PTPRS: variants seen among roughly 807,000 people sequenced by gnomAD.
The protein encoded by PTPRS is receptor-type tyrosine-protein phosphatase S.
Under a neutral mutation model 215.3 loss-of-function variants are expected in PTPRS, and 63 were observed. The ratio of observed to expected loss-of-function variants is 0.29; its 90% CI spans 0.24 to 0.36. The LOEUF (loss-of-function observed/expected upper bound fraction) is 0.36, where lower values mean the gene tolerates loss of function less well. Among genes scored for constraint, PTPRS ranks in the 10% least tolerant of loss-of-function variants. The pLI, the probability that PTPRS is intolerant of heterozygous loss-of-function variation, is 1.00. For missense variants in PTPRS, 2,258 were observed against 2,825.8 expected (o/e 0.80, Z 4.56); for synonymous variants, 1,404 against 1,191.4 (o/e 1.18, Z -3.68).
rs12984779 is a variant in PTPRS at position 5,338,801 on chromosome 19, T to C, written c.-95+1863A>G. Among the ~76,000 whole-genome samples the C allele has an allele frequency of 0.024, 3,709 of 152,222 alleles. 59 individuals are homozygous for C. Among genetic ancestry groups the C allele is most frequent in the Middle Eastern group, 0.037 (11 of 294 alleles). On this transcript the variant is annotated intron_variant, in intron 1 of 37. Transcript: ENST00000262963. The surrounding 1 kb of genome is among the most constrained non-coding windows in gnomAD (Gnocchi z 4.2). Reference sequence around the variant, plus strand: ...AACGCTCCAGCAGCTGCCGCTGGTATCGCAGGAGCAGAGGAGCGGGATGGC... The same window carrying C: ...AACGCTCCAGCAGCTGCCGCTGGTACCGCAGGAGCAGAGGAGCGGGATGGC...
chr19:5,326,511 T>C, intron 1 of PTPRS, among the ~76,000 whole-genome samples: 1 of 152,002 alleles, frequency 6.6e-6, no homozygotes, highest in Non-Finnish European at 1.5e-5. Context: ...TAAAAGAGAA[T>C]GGGTTTAAAC....
At chr19:5,246,548 GAA>G (rs2044500513) in intron 9 of PTPRS, among the ~76,000 whole-genome samples, 2 of 152,326 alleles carry the variant, frequency 1.3e-5, no homozygotes, top group South Asian at 4.1e-4. Flanking sequence ...GGGAGCGCTG[GAA>G]GATTCTGGCT....
chr19:5,293,449 A>C lies in PTPRS; in HGVS notation c.-94-7215T>G, dbSNP rs2049012199. Among the ~76,000 whole-genome samples, 2 of 151,702 alleles carry C rather than the reference A, an allele frequency of 1.3e-5. No homozygotes were observed. The highest frequency in any genetic ancestry group is 2.4e-5 in the African/African-American group (1 of 41,298). ...TGGAGGCGCGGAGAGCCTCCGCAGG[A>C]GTCCATGAAACACTGAGCGAAGGGG... On this transcript the variant is annotated intron_variant, in intron 1 of 37. Coordinates refer to ENST00000262963, the MANE Select transcript of PTPRS (RefSeq NM_002850.4). This position sits in a 1 kb window ranked among gnomAD's most constrained non-coding sequence, Gnocchi z 8.4.
intron 1 of PTPRS, among the ~76,000 whole-genome samples, chr19:5,307,295 C>T (rs1196408123): frequency 2.6e-5 from 4 of 151,172 alleles, no homozygotes; most frequent in South Asian, 2.1e-4. Flanking sequence ...CCAATAAAAG[C>T]GAAACTCCAT....
chr19:5,335,525 C>T lies in PTPRS; in HGVS notation c.-95+5139G>A, dbSNP rs139800577. On this transcript the variant is annotated intron_variant, in intron 1 of 37. Transcript: ENST00000262963. ...CCAGGAAGGAAGGAAGGCAGGCAGGCAGGTGAGATCTGGGAGAAAAAGGGG... is the reference window on the plus strand; with the variant it reads ...CCAGGAAGGAAGGAAGGCAGGCAGGTAGGTGAGATCTGGGAGAAAAAGGGG... Among the ~76,000 whole-genome samples the T allele has an allele frequency of 1.2e-3, 178 of 152,186 alleles. 1 individual carries two copies. The highest frequency in any genetic ancestry group is 4.1e-3 in the African/African-American group (169 of 41,526).
chr19:5,234,770 G>C lies in PTPRS; in HGVS notation c.1850-3155C>G, dbSNP rs1001696765. On this transcript the variant is annotated intron_variant, in intron 13 of 37. Transcript: ENST00000262963. ...ACTGTGTGCCAGGCACTGTGTTAAA[G>C]GCTTCATCAGAAAACGATAGTAGTC... 2.0e-5 allele frequency among the ~76,000 whole-genome samples: 3 copies of C among 151,982 alleles called. 1 individual carries two copies. Among genetic ancestry groups the C allele is most frequent in the Admixed American group, 1.3e-4 (2 of 15,250 alleles).
At chr19:5,273,075 G>A (rs751708913) in intron 4 of PTPRS, 12 of 285,316 alleles carry the variant, frequency 4.2e-5, no homozygotes, top group Admixed American at 1.4e-4. Flanking sequence ...AAAATTCAAT[G>A]AGCCCCTGGA....
intron 1 of PTPRS, among the ~76,000 whole-genome samples, chr19:5,300,378 A>G (rs1829516381): frequency 6.6e-6 from 1 of 152,162 alleles, no homozygotes; most frequent in Non-Finnish European, 1.5e-5. Context: ...ATCACTGCAG[A>G]AAGTTCTGTG....
At chr19:5,214,998 TCTTCC>T (rs769494224) in intron 28 of PTPRS, among the ~76,000 whole-genome samples, 1 of 152,268 alleles carries the variant, frequency 6.6e-6, no homozygotes, top group African/African-American at 2.4e-5. Flanking sequence ...CAGCAACATT[TCTTCC>T]CTTCAAGTTG....
At chr19:5,306,415 G>C (rs1347515491) in intron 1 of PTPRS, among the ~76,000 whole-genome samples, 2 of 152,078 alleles carry the variant, frequency 1.3e-5, no homozygotes, top group African/African-American at 4.8e-5. Context: ...AAAGTGCTGG[G>C]ATTACAGGCA....
intron 1 of PTPRS, among the ~76,000 whole-genome samples, chr19:5,315,684 G>A (rs183420633): frequency 2.6e-4 from 39 of 148,732 alleles, no homozygotes; most frequent in Middle Eastern, 3.7e-3. Context: ...CAGAGATGGC[G>A]TCTTGCTATG....
intron 2 of PTPRS, among the ~76,000 whole-genome samples, chr19:5,277,055 G>GTT (rs2047433954): frequency 9.3e-6 from 1 of 107,344 alleles, no homozygotes; most frequent in Non-Finnish European, 1.8e-5. Context: ...GCTGAGTTTT[G>GTT]TGTTTTTTTT....
chr19:5,272,018 G>A (rs2046953066), intron 4 of PTPRS, among the ~76,000 whole-genome samples: 2 of 152,218 alleles, frequency 1.3e-5, no homozygotes, highest in East Asian at 3.9e-4. Flanking sequence ...TTGAGTCCCT[G>A]TACTCAGCCC....
chr19:5,323,447 T>C (rs940971976), intron 1 of PTPRS, among the ~76,000 whole-genome samples: 1 of 151,924 alleles, frequency 6.6e-6, no homozygotes, highest in Non-Finnish European at 1.5e-5. Context: ...GGAAACTAGG[T>C]GGTGGGGCAG....
At chr19:5,306,148 A>AT (rs71172709) in intron 1 of PTPRS, among the ~76,000 whole-genome samples, 30,868 of 140,634 alleles carry the variant, frequency 0.22, 3,501 homozygotes, top group African/African-American at 0.28. Flanking sequence ...ATACAGGGTG[A>AT]TTTTTTTTTT....
At chr19:5,215,086 T>A (rs1177393880) in intron 28 of PTPRS, among the ~76,000 whole-genome samples, 1 of 152,246 alleles carries the variant, frequency 6.6e-6, no homozygotes, top group Admixed American at 6.5e-5. Flanking sequence ...TGGTCACAAC[T>A]GATGCAGAAG....
intron 1 of PTPRS, among the ~76,000 whole-genome samples, chr19:5,321,898 C>T (rs1282748314): frequency 6.6e-6 from 1 of 152,122 alleles, no homozygotes; most frequent in East Asian, 1.9e-4. Context: ...GTCTTCATTT[C>T]CACATAGGTA....
chr19:5,206,250 TAAAAAAAAAAATGGAAAAA>T lies in PTPRS; in HGVS notation c.*505_*523del, dbSNP rs1599319691. 2 of 212,094 alleles carry T rather than the reference TAAAAAAAAAAATGGAAAAA, an allele frequency of 9.4e-6. No individual in the cohort carries two copies. The highest frequency in any genetic ancestry group is 1.4e-4 in the East Asian group (2 of 14,222). 13.1% of individuals were successfully genotyped at this position (212,094 alleles called of 1,614,324 possible). ...TGGCGAGTCTTTTGTTTGTTTCTCTTAAAAAAAAAAATGGAAAAAAAAATACACTATTTAAAAAAAATGA... is the reference window on the plus strand; with the variant it reads ...TGGCGAGTCTTTTGTTTGTTTCTCTTAAAATACACTATTTAAAAAAAATGA... On this transcript the variant is annotated 3_prime_UTR_variant, in exon 38 of 38. Transcript: ENST00000262963.
At chr19:5,305,789 A>G (rs1379122095) in intron 1 of PTPRS, among the ~76,000 whole-genome samples, 2 of 142,336 alleles carry the variant, frequency 1.4e-5, no homozygotes, top group African/African-American at 5.2e-5. Context: ...GGCAAATTCC[A>G]ATTAGCCGGG....
Sources: gnomAD v4.1 joint callset for allele counts (sites outside exome capture counted in the v4.1 genomes callset) on GRCh38, gnomAD v4.1.1 for gene constraint, Gnocchi (gnomAD v3.1) non-coding constraint, MANE v1.5 for transcripts, NCBI Gene and HGNC (gene_info 2026-07-23, HGNC 2026-07-21) for gene names.